Variants in CACNG2 observed in about 807,000 individuals in gnomAD.
CACNG2 encodes voltage-dependent calcium channel gamma-2 subunit.
CACNG2 carries 3 observed loss-of-function variants against 25.9 expected under a neutral mutation model. The observed-to-expected ratio is 0.12, with a 90% CI of 0.05 to 0.30. CACNG2 has a LOEUF of 0.30. Among genes scored for constraint, CACNG2 ranks in the 10% least tolerant of loss-of-function variants. The pLI, the probability that CACNG2 is intolerant of heterozygous loss-of-function variation, is 1.00. For missense variants in CACNG2, 341 were observed against 432.5 expected, an observed-to-expected ratio of 0.79 and a Z score of 1.88; for synonymous variants, 167 against 173.3, an observed-to-expected ratio of 0.96 and a Z score of 0.29.
At chr22:36,609,681 G>T (rs1163929949) in intron 1 of CACNG2, among the ~76,000 whole-genome samples, 1 of 132,244 alleles carries the variant, frequency 7.6e-6, no homozygotes, top group Non-Finnish European at 1.6e-5. Flanking sequence ...GATCGGGCAG[G>T]AATCAACCCC....
chr22:36,689,274 C>G (rs1263456214), intron 1 of CACNG2, among the ~76,000 whole-genome samples: 1 of 152,192 alleles, frequency 6.6e-6, no homozygotes, highest in East Asian at 1.9e-4. Context: ...AGGCACTGCT[C>G]TCAGTCCCTG....
At chr22:36,670,725 G>C (rs8136582) in intron 1 of CACNG2, among the ~76,000 whole-genome samples, 1 of 151,684 alleles carries the variant, frequency 6.6e-6, no homozygotes, top group Non-Finnish European at 1.5e-5. Context: ...TCAACCTCCC[G>C]GGCTCAAGCG....
chr22:36,684,193 A>C (rs1937166050), intron 1 of CACNG2, among the ~76,000 whole-genome samples: 1 of 152,238 alleles, frequency 6.6e-6, no homozygotes, highest in Non-Finnish European at 1.5e-5. Flanking sequence ...ATAGGGATGA[A>C]CATTTAAATA....
intron 1 of CACNG2, among the ~76,000 whole-genome samples, chr22:36,688,540 A>C (rs770893188): frequency 1.1e-3 from 84 of 76,374 alleles, no homozygotes; most frequent in South Asian, 2.2e-3. Context: ...ACCCTGTCTC[A>C]AAAAAAAAAA....
At chr22:36,570,709 G>T (rs532636999) in intron 2 of CACNG2, among the ~76,000 whole-genome samples, 1 of 147,196 alleles carries the variant, frequency 6.8e-6, no homozygotes, top group African/African-American at 2.6e-5. Flanking sequence ...GTTGCAGTGA[G>T]CTGAGATCGC....
At chr22:36,571,882 CAAAA>C (rs1190439992) in intron 2 of CACNG2, among the ~76,000 whole-genome samples, 7 of 99,484 alleles carry the variant, frequency 7.0e-5, no homozygotes, top group Admixed American at 1.2e-4. Context: ...GTCTCAAAAA[CAAAA>C]AAAAAAAAAA....
chr22:36,588,453 ACT>A (rs928210681), intron 1 of CACNG2, among the ~76,000 whole-genome samples: 9 of 152,160 alleles, frequency 5.9e-5, no homozygotes, highest in African/African-American at 2.2e-4. Context: ...AGTAGCACAG[ACT>A]CTACAATCAC....
chr22:36,680,307 C>A (rs1937089378), intron 1 of CACNG2, among the ~76,000 whole-genome samples: 1 of 151,952 alleles, frequency 6.6e-6, no homozygotes, highest in Non-Finnish European at 1.5e-5. Context: ...TCACTGCCAC[C>A]TGCATCATGG....
chr22:36,566,523 A>G (rs779412755), intron 2 of CACNG2, 30 bp from the exon 3 acceptor site: 35 of 1,613,282 alleles, frequency 2.2e-5, no homozygotes, highest in Non-Finnish European at 2.8e-5. Flanking sequence ...AGGGAGAAAG[A>G]GAACGGCATG....
chr22:36,694,043 CA>C (rs1426902404), intron 1 of CACNG2, among the ~76,000 whole-genome samples: 1 of 152,158 alleles, frequency 6.6e-6, no homozygotes, highest in Non-Finnish European at 1.5e-5. Flanking sequence ...CCTCCTCAAG[CA>C]AGTTGCTGGT....
chr22:36,578,079 G>A (rs537981588), intron 2 of CACNG2, among the ~76,000 whole-genome samples: 2 of 152,068 alleles, frequency 1.3e-5, no homozygotes, highest in East Asian at 3.9e-4. Context: ...CTAGGATGAT[G>A]GGCTGGGTGC....
chr22:36,594,795 C>G (rs535948992), intron 1 of CACNG2, among the ~76,000 whole-genome samples: 42 of 124,132 alleles, frequency 3.4e-4, no homozygotes, highest in African/African-American at 1.2e-3. Context: ...GTGTGTGTGT[C>G]TTGTGTGCAT....
intron 1 of CACNG2, among the ~76,000 whole-genome samples, chr22:36,624,293 G>A (rs1337628342): frequency 1.3e-5 from 2 of 152,212 alleles, no homozygotes; most frequent in Non-Finnish European, 2.9e-5. Context: ...GGTGGTGAGA[G>A]CAATGGCAGT....
chr22:36,669,197 C>T (rs1936914773), intron 1 of CACNG2, among the ~76,000 whole-genome samples: 1 of 152,114 alleles, frequency 6.6e-6, no homozygotes, highest in Non-Finnish European at 1.5e-5. Context: ...TGTGTCTAGA[C>T]TCTGCCAGAA....
rs149014319 is a variant in CACNG2 at position 36,663,903 on chromosome 22, C to T, written c.211+38463G>A. On this transcript the variant is annotated intron_variant, in intron 1 of 3. Transcript: ENST00000300105. The stretch of plus-strand genomic sequence containing the variant: ...AGGGCACCGATGCCCTGAAGAGGCT[C>T]GGAAGGAACCAGGCTGTCGGTTGCA... Among the ~76,000 whole-genome samples, 63 of 152,258 alleles carry T rather than the reference C, an allele frequency of 4.1e-4. No individual in the cohort carries two copies. In the East Asian group the frequency reaches 5.2e-3, roughly 13 times the overall value.
chr22:36,635,279 GTC>G (rs1936338052), intron 1 of CACNG2, among the ~76,000 whole-genome samples: 1 of 134,802 alleles, frequency 7.4e-6, no homozygotes, highest in African/African-American at 3.0e-5. Flanking sequence ...GCGAGACCCC[GTC>G]TCAAAAAAAA....
intron 1 of CACNG2, among the ~76,000 whole-genome samples, chr22:36,664,267 G>A (rs1936842149): frequency 6.6e-6 from 1 of 152,178 alleles, no homozygotes; most frequent in South Asian, 2.1e-4. Context: ...ATGAGAAATG[G>A]AGAGGCATAT....
chr22:36,600,305 A>G (rs918213761), intron 1 of CACNG2, among the ~76,000 whole-genome samples: 1 of 152,128 alleles, frequency 6.6e-6, no homozygotes, highest in Non-Finnish European at 1.5e-5. Flanking sequence ...ATTGGAGTGC[A>G]GTGGCATGAT....
chr22:36,657,741 G>A (rs1474710248), intron 1 of CACNG2, among the ~76,000 whole-genome samples: 2 of 151,960 alleles, frequency 1.3e-5, no homozygotes, highest in Non-Finnish European at 2.9e-5. Context: ...GTGGCGTAAT[G>A]AGCAAAAGTG....
Sources: allele counts gnomAD v4.1 joint callset (sites outside exome capture counted in the v4.1 genomes callset), GRCh38; gene constraint gnomAD v4.1.1; transcripts MANE v1.5; gene names NCBI Gene and HGNC (gene_info 2026-07-23, HGNC 2026-07-21).